Variants in DNAH12 observed in about 807,000 individuals in gnomAD.
DNAH12 encodes the protein axonemal beta dynein heavy chain 12.
DNAH12 carries 285 observed loss-of-function variants against 371.5 expected under a neutral mutation model. That is an observed-to-expected ratio of 0.77 (90% CI 0.70 to 0.85). The LOEUF (loss-of-function observed/expected upper bound fraction) is 0.85. Ranked by LOEUF, DNAH12 falls within the 40% of genes least tolerant of loss-of-function variation. The pLI is 0.00. For missense variants in DNAH12, 3,611 were observed against 3,689.4 expected, an observed-to-expected ratio of 0.98 and a Z score of 0.55; for synonymous variants, 1,200 against 1,213.0, an observed-to-expected ratio of 0.99 and a Z score of 0.22.
intron 43 of DNAH12, among the ~76,000 whole-genome samples, chr3:57,395,841 C>T (rs1212705461): frequency 2.0e-5 from 3 of 151,696 alleles, no homozygotes; most frequent in Non-Finnish European, 2.9e-5. Context: ...GTCTCACAGG[C>T]AGCTACTAGG....
intron 2 of DNAH12, among the ~76,000 whole-genome samples, chr3:57,526,670 T>G (rs896453576): frequency 6.6e-6 from 1 of 150,706 alleles, no homozygotes; most frequent in East Asian, 2.0e-4. Flanking sequence ...GGACTCCAGG[T>G]GTGCACCACC....
chr3:57,333,219 C>T (rs1434866242), intron 62 of DNAH12, among the ~76,000 whole-genome samples: 1 of 151,894 alleles, frequency 6.6e-6, no homozygotes, highest in Non-Finnish European at 1.5e-5. Flanking sequence ...CTTGCCTCAG[C>T]TTCCCGAGCT....
Position 57,512,411 on chromosome 3 carries a change from G to C in DNAH12, c.280-1432C>G, listed in dbSNP as rs987048176. The stretch of plus-strand genomic sequence containing the variant: ...CAGTTTTGAAGATGAAAATGTTCTG[G>C]AGATTCGCTGCACAAGAATGTGAAA... On this transcript the variant is annotated intron_variant, in intron 4 of 73. Coordinates refer to ENST00000495027, the MANE Select transcript of DNAH12 (RefSeq NM_001366028.2). The C allele has an allele frequency of 2.0e-5, 3 of 152,152 alleles. No homozygotes were observed. The South Asian group carries it at 6.2e-4, about 31-fold the overall frequency. The allele number at this position is 152,152 out of a possible 1,614,324, so 9.4% of individuals were successfully genotyped here.
chr3:57,489,449 C>T, intron 12 of DNAH12, 60 bp downstream of exon 12: 1 of 1,418,054 alleles, frequency 7.1e-7, no homozygotes, highest in Non-Finnish European at 9.2e-7. Flanking sequence ...ACAAGAGTTA[C>T]TTTAGCAAAA....
At chr3:57,445,655 A>G (rs2065464189) in intron 27 of DNAH12, among the ~76,000 whole-genome samples, 1 of 151,848 alleles carries the variant, frequency 6.6e-6, no homozygotes, top group African/African-American at 2.4e-5. Flanking sequence ...AATCATTTTG[A>G]ATGGATTATG....
chr3:57,520,789 G>C (rs1248397059), intron 4 of DNAH12, among the ~76,000 whole-genome samples: 2 of 151,936 alleles, frequency 1.3e-5, no homozygotes, highest in Non-Finnish European at 2.9e-5. Flanking sequence ...TGAGTTTAAA[G>C]AGTTATTTAT....
rs2061355471 is a variant in DNAH12 at position 57,301,883 on chromosome 3, A to G, written c.11246T>C (p.Val3749Ala). ...CTCCAATGCAGAATCCATCACAACCACACCCTTAATAGCTTTTTCAAGGTC... is the reference window on the plus strand; with the variant it reads ...CTCCAATGCAGAATCCATCACAACCGCACCCTTAATAGCTTTTTCAAGGTC... ...LRDLEKAIKG[V>A]VVMDSALEAL... The change falls in exon 70 of 74, where the codon GTG becomes GCG. Residue 3749 changes from valine (V) to alanine (A), a missense_variant. By Grantham distance (64) the Val-to-Ala change is moderately conservative. Transcript: ENST00000495027. 1 of 1,551,514 alleles carries G rather than the reference A, an allele frequency of 6.4e-7. No individual in the cohort carries two copies. Among genetic ancestry groups the G allele is most frequent in the African/African-American group, 1.4e-5 (1 of 73,030 alleles).
At chr3:57,469,322 AAAAC>A (rs1199691815) in intron 16 of DNAH12, among the ~76,000 whole-genome samples, 13 of 152,172 alleles carry the variant, frequency 8.5e-5, no homozygotes, top group Admixed American at 8.5e-4. Flanking sequence ...GTAAAACAAA[AAAAC>A]AAAAAACAGA....
intron 58 of DNAH12, among the ~76,000 whole-genome samples, chr3:57,361,892 C>G (rs2062945101): frequency 6.6e-6 from 1 of 151,956 alleles, no homozygotes; most frequent in Non-Finnish European, 1.5e-5. Context: ...ACTTTAAGTT[C>G]TAGGGTACAT....
At chr3:57,399,520 T>C (rs1347858718) in intron 43 of DNAH12, among the ~76,000 whole-genome samples, 3 of 152,308 alleles carry the variant, frequency 2.0e-5, no homozygotes, top group African/African-American at 7.2e-5. Context: ...GGGATAGCTA[T>C]ACTAATATCA....
intron 17 of DNAH12, among the ~76,000 whole-genome samples, chr3:57,463,383 G>A (rs1436751504): frequency 6.6e-6 from 1 of 151,956 alleles, no homozygotes; most frequent in Non-Finnish European, 1.5e-5. Context: ...GCATGAATGG[G>A]GAAAATATGT....
At chr3:57,528,821 G>A (rs1407949013) in intron 2 of DNAH12, among the ~76,000 whole-genome samples, 3 of 149,826 alleles carry the variant, frequency 2.0e-5, no homozygotes, top group Admixed American at 6.6e-5. Context: ...TTTTTGAGAC[G>A]GAGTTTTGCT....
At chr3:57,392,340 ATTGT>A (rs1439616964) in intron 44 of DNAH12, among the ~76,000 whole-genome samples, 3 of 152,246 alleles carry the variant, frequency 2.0e-5, no homozygotes, top group African/African-American at 7.2e-5. Flanking sequence ...ATAATTTTAC[ATTGT>A]TTTTAAGAGA....
chr3:57,298,735 A>G (rs1559531825), intron 70 of DNAH12, among the ~76,000 whole-genome samples: 1 of 152,222 alleles, frequency 6.6e-6, no homozygotes, highest in Non-Finnish European at 1.5e-5. Context: ...TTCTTGTGCC[A>G]TAAGAACTCT....
At chr3:57,528,843 A>G (rs2068740928) in intron 2 of DNAH12, among the ~76,000 whole-genome samples, 1 of 151,134 alleles carries the variant, frequency 6.6e-6, no homozygotes, top group African/African-American at 2.4e-5. Flanking sequence ...TTTGTTGCCC[A>G]GGCTGGAGTG....
chr3:57,312,210 G>A (rs541809663), intron 66 of DNAH12, among the ~76,000 whole-genome samples: 84 of 152,172 alleles, frequency 5.5e-4, no homozygotes, highest in Non-Finnish European at 1.0e-3. Context: ...TTTTGAAGAG[G>A]AAGAGAGGCG....
At chr3:57,484,510 C>T (rs985461092) in intron 12 of DNAH12, among the ~76,000 whole-genome samples, 3 of 152,018 alleles carry the variant, frequency 2.0e-5, no homozygotes, top group Non-Finnish European at 4.4e-5. Context: ...CACAGGATCT[C>T]CATCTCTCAC....
chr3:57,322,232 T>C, intron 65 of DNAH12, 111 bp downstream of exon 65: 1 of 1,225,444 alleles, frequency 8.2e-7, no homozygotes, highest in Non-Finnish European at 1.1e-6. Context: ...TGCGTAAAGT[T>C]TTAAAAACAT....
intron 37 of DNAH12, 76 bp downstream of exon 37, chr3:57,419,291 A>T: frequency 7.4e-7 from 1 of 1,354,858 alleles, no homozygotes. Context: ...GATCTCGAAT[A>T]CTTCAAAAAT....
Sources: allele counts gnomAD v4.1 joint callset (sites outside exome capture counted in the v4.1 genomes callset), GRCh38; gene constraint gnomAD v4.1.1; transcripts MANE v1.5; gene names NCBI Gene and HGNC (gene_info 2026-07-23, HGNC 2026-07-21).